Variants in SMYD3 observed in about 807,000 individuals in gnomAD.
SMYD3 encodes histone-lysine N-methyltransferase SMYD3.
In SMYD3, 36 loss-of-function variants were observed where a neutral mutation model predicts 57.7. The ratio of observed to expected loss-of-function variants is 0.62; its 90% CI spans 0.48 to 0.82. SMYD3 has a LOEUF of 0.82. Among genes scored for constraint, SMYD3 ranks in the 40% least tolerant of loss-of-function variants. SMYD3 has a pLI of 0.00. For synonymous variants in SMYD3, 211 were observed against 195.0 expected, an observed-to-expected ratio of 1.08 and a Z score of -0.68; for missense variants, 515 against 538.8, an observed-to-expected ratio of 0.96 and a Z score of 0.44.
chr1:245,830,333 A>C (rs904722049), intron 10 of SMYD3, among the ~76,000 whole-genome samples: 1 of 152,232 alleles, frequency 6.6e-6, no homozygotes, highest in Non-Finnish European at 1.5e-5. Flanking sequence ...CACGTCCTAC[A>C]TGGCGGCAGG....
intron 10 of SMYD3, among the ~76,000 whole-genome samples, chr1:245,765,045 T>TACACACACACAC (rs3085339): frequency 7.4e-6 from 1 of 134,746 alleles, no homozygotes; most frequent in African/African-American, 2.8e-5. Flanking sequence ...TGGAAATGCC[T>TACACACACACAC]ACACACACAC....
At chr1:245,797,945 A>G (rs2047621812) in intron 10 of SMYD3, among the ~76,000 whole-genome samples, 1 of 151,946 alleles carries the variant, frequency 6.6e-6, no homozygotes, top group African/African-American at 2.4e-5. Flanking sequence ...TTTTCACAAT[A>G]TGGGTTTGAG....
chr1:246,496,793 C>A (rs2068371351), intron 1 of SMYD3, among the ~76,000 whole-genome samples: 1 of 152,092 alleles, frequency 6.6e-6, no homozygotes, highest in Admixed American at 6.6e-5. Flanking sequence ...CCACTGCACT[C>A]CAGCCTGGGT....
At chr1:245,938,092 C>CT (rs2057054411) in intron 5 of SMYD3, among the ~76,000 whole-genome samples, 1 of 152,218 alleles carries the variant, frequency 6.6e-6, no homozygotes, top group African/African-American at 2.4e-5. Context: ...GCTGAGGTTC[C>CT]TTTCACTATG....
intron 5 of SMYD3, among the ~76,000 whole-genome samples, chr1:246,073,345 A>G (rs778577489): frequency 6.6e-6 from 1 of 152,204 alleles, no homozygotes; most frequent in Non-Finnish European, 1.5e-5. Context: ...TGTATTTTAA[A>G]TATTTTTAAA....
intron 5 of SMYD3, among the ~76,000 whole-genome samples, chr1:245,979,950 A>G (rs964711881): frequency 2.0e-5 from 3 of 152,254 alleles, no homozygotes; most frequent in African/African-American, 7.2e-5. Context: ...CAGGGGTGAG[A>G]AGCGCAGCTT....
At chr1:246,085,075 T>C (rs527756750) in intron 5 of SMYD3, among the ~76,000 whole-genome samples, 34 of 152,312 alleles carry the variant, frequency 2.2e-4, no homozygotes, top group African/African-American at 7.7e-4. Flanking sequence ...CTAAAGAATA[T>C]TGCATTTTCT....
At chr1:246,028,596 T>C (rs1291713576) in intron 5 of SMYD3, among the ~76,000 whole-genome samples, 1 of 152,128 alleles carries the variant, frequency 6.6e-6, no homozygotes, top group Non-Finnish European at 1.5e-5. Flanking sequence ...TACAAACAAA[T>C]GGAGATGTCC....
At chr1:246,236,925 A>ATCTT (rs2063520802) in intron 5 of SMYD3, among the ~76,000 whole-genome samples, 1 of 152,180 alleles carries the variant, frequency 6.6e-6, no homozygotes, top group Non-Finnish European at 1.5e-5. Flanking sequence ...GAGAGACAAG[A>ATCTT]GGTCTCGGGC....
intron 1 of SMYD3, among the ~76,000 whole-genome samples, chr1:246,458,613 A>ATTTTTTTTTT (rs74163446): frequency 1.9e-4 from 9 of 46,872 alleles, no homozygotes; most frequent in East Asian, 8.3e-4. Flanking sequence ...CGCCTGGCTG[A>ATTTTTTTTTT]TTTTTTTTTT....
Position 245,884,226 on chromosome 1 carries a change from T to C in SMYD3, c.814-20340A>G, listed in dbSNP as rs540779947. ...CAATCTTAGTGAGGACTGAAAACTATAGGTCTCCCTGACCATGATGCAGCA... is the reference window on the plus strand; with the variant it reads ...CAATCTTAGTGAGGACTGAAAACTACAGGTCTCCCTGACCATGATGCAGCA... On this transcript the variant is annotated intron_variant, in intron 8 of 11. Transcript: ENST00000490107. Among the ~76,000 whole-genome samples the C allele has an allele frequency of 7.9e-5, 12 of 152,298 alleles. No individual in the cohort carries two copies. The East Asian group carries it at 2.1e-3, about 27-fold the overall frequency.
At chr1:246,235,152 T>A (rs1162579472) in intron 5 of SMYD3, among the ~76,000 whole-genome samples, 1 of 152,132 alleles carries the variant, frequency 6.6e-6, no homozygotes, top group African/African-American at 2.4e-5. Flanking sequence ...TGCCTCTAAG[T>A]ATAAGGTTGA....
chr1:246,403,646 A>G (rs1404527579), intron 1 of SMYD3, among the ~76,000 whole-genome samples: 1 of 152,222 alleles, frequency 6.6e-6, no homozygotes, highest in Admixed American at 6.5e-5. Context: ...TAACTAGGAA[A>G]TAACCCAGAG....
At chr1:246,007,858 G>C (rs1243824705) in intron 5 of SMYD3, among the ~76,000 whole-genome samples, 1 of 150,658 alleles carries the variant, frequency 6.6e-6, no homozygotes, top group Non-Finnish European at 1.5e-5. Flanking sequence ...ATATACTGTG[G>C]GGCAATTTGT....
chr1:246,042,707 A>C (rs2059899428), intron 5 of SMYD3, among the ~76,000 whole-genome samples: 1 of 152,108 alleles, frequency 6.6e-6, no homozygotes, highest in African/African-American at 2.4e-5. Flanking sequence ...CTTTTTGGTA[A>C]GTTACCTCCT....
At chr1:246,445,827 C>A (rs1474382248) in intron 1 of SMYD3, among the ~76,000 whole-genome samples, 2 of 149,866 alleles carry the variant, frequency 1.3e-5, no homozygotes, top group African/African-American at 5.0e-5. Context: ...GGGACCGGAG[C>A]TTTGCCTTTG....
In SMYD3 at chr1:246,479,004, A is replaced by G. The variant is rs138837695; in HGVS notation, c.164+28050T>C. The stretch of plus-strand genomic sequence containing the variant: ...TCCTGGAGCTGATACATAAGTGCTC[A>G]TATATGTACACCTGTCCTCTGTCCT... On this transcript the variant is annotated intron_variant, in intron 1 of 11. Transcript: ENST00000490107. Among the ~76,000 whole-genome samples the G allele has an allele frequency of 1.4e-3, 215 of 149,020 alleles. 3 individuals carry two copies. Among genetic ancestry groups the G allele is most frequent in the African/African-American group, 3.8e-3 (153 of 40,164 alleles).
chr1:246,159,163 C>T (rs1031040713), intron 5 of SMYD3, among the ~76,000 whole-genome samples: 7 of 152,094 alleles, frequency 4.6e-5, no homozygotes, highest in Non-Finnish European at 1.0e-4. Context: ...GGGGAAAGCA[C>T]GTGTAATAGC....
At chr1:246,123,577 C>T (rs1184867031) in intron 5 of SMYD3, among the ~76,000 whole-genome samples, 3 of 118,326 alleles carry the variant, frequency 2.5e-5, no homozygotes, top group Non-Finnish European at 5.4e-5. Flanking sequence ...TCAAAACACA[C>T]ACACACACAC....
Sources: allele counts gnomAD v4.1 joint callset (sites outside exome capture counted in the v4.1 genomes callset), GRCh38; gene constraint gnomAD v4.1.1; transcripts MANE v1.5; gene names NCBI Gene and HGNC (gene_info 2026-07-23, HGNC 2026-07-21).